SPATA31F1: variants seen among roughly 807,000 people sequenced by gnomAD.
The protein encoded by SPATA31F1 is protein SPATA31F1.
At chr9:34,723,526 G>A in the SPATA31F1 span, 23 of 1,551,778 alleles carry the variant, frequency 1.5e-5, no homozygotes, top group East Asian at 2.4e-4. Flanking sequence ...CCTTCGCAGC[G>A]GCTGAGAACA....
chr9:34,729,411 A>G, the SPATA31F1 span: 5 of 1,550,474 alleles, frequency 3.2e-6, no homozygotes, highest in East Asian at 2.4e-5. Flanking sequence ...CCACAGAACA[A>G]AAGTAGGGCT....
the SPATA31F1 span, chr9:34,729,487 G>C: frequency 6.7e-7 from 1 of 1,500,298 alleles, no homozygotes; most frequent in Non-Finnish European, 8.9e-7. Context: ...CAGGGTTCTG[G>C]TGCCTAATGA....
chr9:34,729,246 C>T, the SPATA31F1 span: 5 of 1,537,144 alleles, frequency 3.3e-6, no homozygotes, highest in Admixed American at 2.1e-5. Flanking sequence ...GGCTTCTTAT[C>T]TGAGGCTTAA....
At chr9:34,728,000 A>G in the SPATA31F1 span, 2 of 1,549,716 alleles carry the variant, frequency 1.3e-6, no homozygotes, top group African/African-American at 2.7e-5. Context: ...TTGTTGATAG[A>G]GTGCAAAGAG....
the SPATA31F1 span, chr9:34,725,063 G>A: frequency 2.6e-6 from 4 of 1,551,908 alleles, no homozygotes; most frequent in Admixed American, 3.9e-5. Flanking sequence ...GTCACTTGCT[G>A]TCTGCAGTTC....
At chr9:34,727,035 T>G in the SPATA31F1 span, 2 of 1,520,588 alleles carry the variant, frequency 1.3e-6, no homozygotes, top group Middle Eastern at 1.7e-4. Context: ...GACATCTGCC[T>G]TCTTGGAAGA....
the SPATA31F1 span, chr9:34,726,772 A>G: frequency 1.3e-6 from 2 of 1,551,724 alleles, no homozygotes; most frequent in Non-Finnish European, 1.7e-6. Flanking sequence ...TGTGCCAGGA[A>G]TGAAACTCCA....
At chr9:34,728,581 G>A in the SPATA31F1 span, 1 of 1,548,516 alleles carries the variant, frequency 6.5e-7, no homozygotes, top group Non-Finnish European at 8.7e-7. Context: ...ACAGTGGAAG[G>A]GAGTCAGAGG....
the SPATA31F1 span, chr9:34,723,814 T>C: frequency 6.4e-7 from 1 of 1,551,728 alleles, no homozygotes. Context: ...TTAGCTTGGT[T>C]TGACTGTCTT....
chr9:34,728,187 A>G, the SPATA31F1 span: 44 of 1,045,190 alleles, frequency 4.2e-5, no homozygotes, highest in Admixed American at 3.7e-4. Context: ...AAAGACTACA[A>G]TCCTGAAAAG....
chr9:34,729,467 T>C, the SPATA31F1 span: 1 of 1,523,650 alleles, frequency 6.6e-7, no homozygotes, highest in African/African-American at 1.4e-5. Flanking sequence ...CATCCCTCTA[T>C]CTCGGAATTC....
chr9:34,723,632 T>C, the SPATA31F1 span: 3 of 1,551,768 alleles, frequency 1.9e-6, no homozygotes, highest in South Asian at 3.6e-5. Context: ...AAGGCTGGGC[T>C]TCTTTTGAGC....
chr9:34,725,091 G>A, the SPATA31F1 span: 3 of 1,551,508 alleles, frequency 1.9e-6, no homozygotes, highest in Non-Finnish European at 2.6e-6. Flanking sequence ...TGGCTTTCTG[G>A]AATGCAGGGA....
the SPATA31F1 span, chr9:34,724,286 G>A: frequency 1.1e-5 from 17 of 1,551,370 alleles, no homozygotes; most frequent in East Asian, 3.2e-4. Flanking sequence ...AGAACCCTGG[G>A]GTACAGCTTT....
chr9:34,723,676 G>A, the SPATA31F1 span: 8 of 1,551,602 alleles, frequency 5.2e-6, no homozygotes, highest in South Asian at 1.2e-5. Flanking sequence ...GCAAAACTTG[G>A]CCTTGCAAAG....
At chr9:34,724,957 C>G in the SPATA31F1 span, 7 of 1,551,568 alleles carry the variant, frequency 4.5e-6, no homozygotes, top group East Asian at 1.7e-4. Flanking sequence ...AGACTCGGAG[C>G]AGCTTAGGGT....
At chr9:34,726,804 T>G in the SPATA31F1 span, 92 of 1,551,612 alleles carry the variant, frequency 5.9e-5, no homozygotes, top group Non-Finnish European at 7.9e-5. Context: ...AAAGACATAC[T>G]AGACGTAGAC....
the SPATA31F1 span, chr9:34,724,546 C>G: frequency 6.5e-7 from 1 of 1,549,092 alleles, no homozygotes; most frequent in Non-Finnish European, 8.7e-7. Context: ...TCTCTAGGAC[C>G]TTTTTTCTCA....
the SPATA31F1 span, chr9:34,724,886 A>C: frequency 1.3e-6 from 2 of 1,549,618 alleles, no homozygotes; most frequent in Non-Finnish European, 1.7e-6. Context: ...CAGCCCCGAC[A>C]GGAAGGCCAG....
Sources: allele counts gnomAD v4.1 joint callset, GRCh38; gene constraint gnomAD v4.1.1; transcripts MANE v1.5; gene names NCBI Gene and HGNC (gene_info 2026-07-23, HGNC 2026-07-21).